IRAG2: variants seen among roughly 807,000 people sequenced by gnomAD.
The protein encoded by IRAG2 is lymphoid restricted membrane protein.
In IRAG2, 45 loss-of-function variants were observed where a neutral mutation model predicts 69.9. That is an observed-to-expected ratio of 0.64 (90% CI 0.51 to 0.83). IRAG2 has a LOEUF of 0.83. IRAG2 is among the 40% of genes least tolerant of loss of function. The pLI, the probability that IRAG2 is intolerant of heterozygous loss-of-function variation, is 0.00. For synonymous variants in IRAG2, 193 were observed against 202.4 expected (o/e 0.95, Z 0.40); for missense variants, 520 against 587.0 (o/e 0.89, Z 1.18).
intron 13 of IRAG2, among the ~76,000 whole-genome samples, chr12:25,034,233 T>C (rs1944689137): frequency 6.6e-6 from 1 of 152,220 alleles, no homozygotes; most frequent in Admixed American, 6.5e-5. Flanking sequence ...CTACCTGCCC[T>C]GATTCCCCAG....
intron 10 of IRAG2, chr12:25,030,408 A>G (rs1480216873): frequency 2.9e-6 from 3 of 1,052,042 alleles, no homozygotes; most frequent in African/African-American, 1.7e-5. Context: ...TTTTTTTTTG[A>G]CGGAGTCTTG....
intron 4 of IRAG2, chr12:25,015,317 T>A: frequency 8.1e-7 from 1 of 1,230,174 alleles, no homozygotes; most frequent in African/African-American, 1.6e-5. Context: ...TAGAAAATGA[T>A]TTTTTTTCAT....
chr12:25,098,647 T>G (rs950199903), intron 15 of IRAG2, among the ~76,000 whole-genome samples: 1 of 152,214 alleles, frequency 6.6e-6, no homozygotes, highest in Admixed American at 6.5e-5. Context: ...ACACAAATAA[T>G]ATGTTGTTTT....
At chr12:25,053,770 A>G (rs959928088) in intron 1 of IRAG2, among the ~76,000 whole-genome samples, 7 of 150,302 alleles carry the variant, frequency 4.7e-5, no homozygotes, top group Admixed American at 4.6e-4. Context: ...AACATTGTTT[A>G]TTTGTTAATT....
rs565364209 is a variant in IRAG2, at chr12:25,034,282, A to AT, written c.1743+341dup. On this transcript the variant is annotated intron_variant, in intron 13 of 38. Coordinates refer to the IRAG2 transcript ENST00000636465. ...AGGTAGCAGTAGATATCCATGAGTT[A>AT]TTTTTTAGAATTTTCCAAACCCTGA... 4.3e-3 allele frequency among the ~76,000 whole-genome samples: 652 copies of AT among 152,344 alleles called. 5 individuals are homozygous for AT. The highest frequency in any genetic ancestry group is 0.015 in the African/African-American group (628 of 41,582).
intron 17 of IRAG2, 142 bp downstream of exon 17, chr12:25,102,383 C>A: frequency 1.5e-6 from 1 of 647,510 alleles, no homozygotes; most frequent in Non-Finnish European, 2.7e-6. Flanking sequence ...TCTAAGTATG[C>A]TTTTATACTC....
At chr12:25,020,856 G>T (rs759200541) in exon 7 of IRAG2, 123 of 1,231,900 alleles carry the variant, frequency 1.0e-4, no homozygotes, top group Non-Finnish European at 1.2e-4. Flanking sequence ...AACTTAGTAT[G>T]AATGCTTCAG....
intron 16 of IRAG2, among the ~76,000 whole-genome samples, chr12:25,040,790 C>A (rs1005647380): frequency 7.9e-5 from 12 of 152,164 alleles, no homozygotes; most frequent in African/African-American, 2.9e-4. Flanking sequence ...CGTACGACAT[C>A]CGTCAGGATG....
intron 10 of IRAG2, among the ~76,000 whole-genome samples, chr12:25,084,994 C>T (rs957870679): frequency 2.6e-5 from 4 of 152,238 alleles, no homozygotes; most frequent in Non-Finnish European, 4.4e-5. Flanking sequence ...AACATGCAGA[C>T]CAGCAGCTGC....
intron 13 of IRAG2, among the ~76,000 whole-genome samples, chr12:25,034,314 AT>A (rs1390123962): frequency 6.6e-6 from 1 of 152,244 alleles, no homozygotes; most frequent in East Asian, 1.9e-4. Flanking sequence ...CTGAAAGTAA[AT>A]ATATTTATCA....
chr12:25,103,737 C>A, intron 17 of IRAG2, 100 bp from the exon 18 acceptor site: 1 of 826,052 alleles, frequency 1.2e-6, no homozygotes, highest in South Asian at 1.6e-5. Context: ...CAGCTGTGGT[C>A]AAGTACACGG....
chr12:25,088,049 G>C (rs1487905801), intron 10 of IRAG2, 51 bp from the exon 11 acceptor site: 1 of 1,326,602 alleles, frequency 7.5e-7, no homozygotes. Flanking sequence ...AAAATGACTG[G>C]TTATGAAGTA....
intron 6 of IRAG2, among the ~76,000 whole-genome samples, chr12:25,078,677 C>G (rs1356722574): frequency 1.3e-5 from 2 of 152,192 alleles, no homozygotes; most frequent in South Asian, 4.1e-4. Flanking sequence ...TTCATAGAAA[C>G]TTTCAAACAC....
chr12:25,014,365 C>T (rs983778787), intron 3 of IRAG2, among the ~76,000 whole-genome samples: 2 of 152,074 alleles, frequency 1.3e-5, no homozygotes, highest in African/African-American at 2.4e-5. Context: ...GGTGTGAACA[C>T]GAGAATAGTC....
intron 10 of IRAG2, among the ~76,000 whole-genome samples, chr12:25,031,626 A>G (rs974430913): frequency 2.6e-5 from 4 of 152,042 alleles, no homozygotes; most frequent in African/African-American, 4.8e-5. Flanking sequence ...CACCAGTTAC[A>G]TATTGCTCCC....
intron 1 of IRAG2, among the ~76,000 whole-genome samples, chr12:25,060,189 T>G (rs913192270): frequency 6.6e-6 from 1 of 152,012 alleles, no homozygotes; most frequent in African/African-American, 2.4e-5. Flanking sequence ...CTGCTTGAGT[T>G]GAAGTGTGAG....
At chr12:25,029,744 G>A (rs1944654538) in intron 9 of IRAG2, among the ~76,000 whole-genome samples, 1 of 151,872 alleles carries the variant, frequency 6.6e-6, no homozygotes, top group Non-Finnish European at 1.5e-5. Flanking sequence ...GCAATGGTGT[G>A]ATCGTAGCTC....
Position 25,090,044 on chromosome 12 carries a change from A to C in IRAG2, c.466-13A>C. On this transcript the variant is annotated splice_polypyrimidine_tract_variant and intron_variant, in intron 13 of 21. Transcript: ENST00000556887. Reference sequence around the variant, plus strand: ...CTCTCCTCTTCCTCACCCTCACATTATTTTGACAACAGGCAGAATTTCTCA... The same window carrying C: ...CTCTCCTCTTCCTCACCCTCACATTCTTTTGACAACAGGCAGAATTTCTCA... The C allele has an allele frequency of 1.9e-6, 3 of 1,612,698 alleles. No homozygotes were observed. In the South Asian group the frequency reaches 3.3e-5, roughly 18 times the overall value.
intron 1 of IRAG2, among the ~76,000 whole-genome samples, chr12:25,058,675 G>T (rs755427585): frequency 2.6e-5 from 4 of 152,110 alleles, no homozygotes; most frequent in Non-Finnish European, 4.4e-5. Flanking sequence ...ATTAATTGTG[G>T]GGCCTTTGCC....
Sources: gnomAD v4.1 joint callset for allele counts (sites outside exome capture counted in the v4.1 genomes callset) on GRCh38, gnomAD v4.1.1 for gene constraint, MANE v1.5 for transcripts, NCBI Gene and HGNC (gene_info 2026-07-23, HGNC 2026-07-21) for gene names.